RAB11FIP4: variants seen among roughly 807,000 people sequenced by gnomAD.
RAB11FIP4 encodes the protein rab11 family-interacting protein 4.
Under a neutral mutation model 74.3 loss-of-function variants are expected in RAB11FIP4, and 23 were observed. That is an observed-to-expected ratio of 0.31 (90% CI 0.22 to 0.44). The LOEUF is 0.44. Among genes scored for constraint, RAB11FIP4 ranks in the 20% least tolerant of loss-of-function variants. The pLI, the probability that RAB11FIP4 is intolerant of heterozygous loss-of-function variation, is 1.00. For synonymous variants in RAB11FIP4, 360 were observed against 359.9 expected (o/e 1.00, Z 0.00); for missense variants, 630 against 863.9 (o/e 0.73, Z 3.39).
intron 12 of RAB11FIP4, 26 bp from the exon 13 acceptor site, chr17:31,528,594 T>C (rs370512735): frequency 3.7e-6 from 6 of 1,613,256 alleles, no homozygotes; most frequent in Non-Finnish European, 5.1e-6. Flanking sequence ...TCCCTGCTCC[T>C]GCCAACCTGC....
chr17:31,402,742 CT>C (rs1337971163), intron 1 of RAB11FIP4, among the ~76,000 whole-genome samples: 1 of 151,942 alleles, frequency 6.6e-6, no homozygotes, highest in Non-Finnish European at 1.5e-5. Flanking sequence ...CTGCCTCAGC[CT>C]CCCAAGTAGC....
chr17:31,486,840 C>A (rs1230789603), intron 3 of RAB11FIP4, among the ~76,000 whole-genome samples: 2 of 152,224 alleles, frequency 1.3e-5, no homozygotes, highest in African/African-American at 4.8e-5. Context: ...GGAGCTCCAG[C>A]GGCTGCTTTG....
chr17:31,438,974 G>A (rs983363204), intron 3 of RAB11FIP4, among the ~76,000 whole-genome samples: 22 of 151,950 alleles, frequency 1.4e-4, no homozygotes, highest in Admixed American at 3.9e-4. Context: ...CTTAGGTACC[G>A]CCTCCTCCAG....
At chr17:31,423,149 G>C (rs1161379404) in intron 1 of RAB11FIP4, among the ~76,000 whole-genome samples, 1 of 152,056 alleles carries the variant, frequency 6.6e-6, no homozygotes, top group Admixed American at 6.5e-5. Context: ...TCTATCTCCT[G>C]ACCTCGTGAT....
intron 1 of RAB11FIP4, among the ~76,000 whole-genome samples, chr17:31,423,526 C>T (rs2071219417): frequency 6.6e-6 from 1 of 152,170 alleles, no homozygotes; most frequent in Non-Finnish European, 1.5e-5. Flanking sequence ...AGCCACTGTG[C>T]CCAGTCTGTT....
Position 31,534,289 on chromosome 17 carries a change from A to T in RAB11FIP4, c.*2557A>T, listed in dbSNP as rs2072922123. The T allele has an allele frequency of 6.6e-6, 1 of 152,182 alleles. No individual in the cohort carries two copies. Among genetic ancestry groups the T allele is most frequent in the African/African-American group, 2.4e-5 (1 of 41,432 alleles). The allele number at this position is 152,182 out of a possible 1,614,324, so 9.4% of individuals were successfully genotyped here. A position where few individuals can be genotyped will look rare whatever the true frequency, so the allele number is the denominator to read the frequency against. ...CATGGGACAGATGTTATTTTTAGAG[A>T]TAGGATCTTGCTCTGTTGCCCAGGC... On this transcript the variant is annotated 3_prime_UTR_variant, in exon 15 of 15. Coordinates refer to ENST00000621161, the MANE Select transcript of RAB11FIP4 (RefSeq NM_032932.6).
chr17:31,419,660 C>T (rs559020534), intron 1 of RAB11FIP4, among the ~76,000 whole-genome samples: 1 of 151,750 alleles, frequency 6.6e-6, no homozygotes, highest in African/African-American at 2.4e-5. Context: ...ACGCCATTCT[C>T]CTGCCTCAGC....
At chr17:31,418,463 A>ATTTT (rs71142049) in intron 1 of RAB11FIP4, among the ~76,000 whole-genome samples, 8,624 of 134,176 alleles carry the variant, frequency 0.064, 660 homozygotes, top group East Asian at 0.29. Context: ...AGTTCCCTTG[A>ATTTT]TTTTTTTTTT....
At chr17:31,480,661 G>A (rs896611190) in intron 3 of RAB11FIP4, among the ~76,000 whole-genome samples, 2 of 151,832 alleles carry the variant, frequency 1.3e-5, no homozygotes, top group South Asian at 2.1e-4. Flanking sequence ...GGTGGCACGT[G>A]CCTGTGATCC....
intron 1 of RAB11FIP4, among the ~76,000 whole-genome samples, chr17:31,403,076 C>G (rs2071008555): frequency 6.6e-6 from 1 of 151,890 alleles, no homozygotes; most frequent in Non-Finnish European, 1.5e-5. Flanking sequence ...GTGGCTATTG[C>G]ATCATTTCTT....
chr17:31,517,621 C>G, intron 3 of RAB11FIP4, 30 bp from the exon 4 acceptor site: 1 of 1,567,308 alleles, frequency 6.4e-7, no homozygotes, highest in Non-Finnish European at 8.7e-7. Context: ...GCTGGCCTCA[C>G]TTATCTTGTC....
At chr17:31,453,614 C>T (rs923632324) in intron 3 of RAB11FIP4, among the ~76,000 whole-genome samples, 4 of 151,484 alleles carry the variant, frequency 2.6e-5, no homozygotes, top group Non-Finnish European at 5.9e-5. Context: ...TACATGAGGT[C>T]AGGAGTTCGA....
intron 1 of RAB11FIP4, among the ~76,000 whole-genome samples, chr17:31,410,145 T>G (rs1485760398): frequency 6.6e-6 from 1 of 152,136 alleles, no homozygotes; most frequent in Admixed American, 6.5e-5. Context: ...TTGTGCATCC[T>G]AAGCCCTTTA....
intron 3 of RAB11FIP4, among the ~76,000 whole-genome samples, chr17:31,487,655 A>T (rs866169880): frequency 2.0e-5 from 3 of 151,854 alleles, no homozygotes; most frequent in Non-Finnish European, 4.4e-5. Context: ...CGGGGTGCGC[A>T]GTGTGAGCCG....
intron 3 of RAB11FIP4, among the ~76,000 whole-genome samples, chr17:31,479,719 T>C (rs771771615): frequency 2.0e-5 from 3 of 152,198 alleles, no homozygotes; most frequent in African/African-American, 4.8e-5. Flanking sequence ...AATAGGAGTT[T>C]GCCTGGTGGA....
chr17:31,494,676 T>C (rs535857362), intron 3 of RAB11FIP4, among the ~76,000 whole-genome samples: 1 of 152,244 alleles, frequency 6.6e-6, no homozygotes. Flanking sequence ...GAGGTGTTAC[T>C]ATGTTACCCA....
At chr17:31,476,868 C>T (rs558429454) in intron 3 of RAB11FIP4, among the ~76,000 whole-genome samples, 3 of 152,214 alleles carry the variant, frequency 2.0e-5, no homozygotes, top group Non-Finnish European at 4.4e-5. Flanking sequence ...CTTTGCCCAG[C>T]CCAGCCCTGG....
rs1399234546 is a variant in RAB11FIP4 at position 31,474,451 on chromosome 17, C to T, written c.336+40329C>T. ...CTTTGGGAGGCCGAGGAGGGTGGAT[C>T]ACTTAAGGTCAGGAGTTTGAGACCA... On this transcript the variant is annotated intron_variant, in intron 3 of 14. Transcript: ENST00000621161. Among the ~76,000 whole-genome samples the T allele has an allele frequency of 2.0e-5, 3 of 152,050 alleles. No individual in the cohort carries two copies. The East Asian group carries it at 5.8e-4, about 29-fold the overall frequency.
chr17:31,411,012 G>T (rs2071088552), intron 1 of RAB11FIP4, among the ~76,000 whole-genome samples: 1 of 152,184 alleles, frequency 6.6e-6, no homozygotes, highest in South Asian at 2.1e-4. Context: ...TTCCACCCTG[G>T]ATGGCACACG....
Sources: gnomAD v4.1 joint callset for allele counts (sites outside exome capture counted in the v4.1 genomes callset) on GRCh38, gnomAD v4.1.1 for gene constraint, MANE v1.5 for transcripts, NCBI Gene and HGNC (gene_info 2026-07-23, HGNC 2026-07-21) for gene names.